Variants in DNAH17 observed in about 807,000 individuals in gnomAD.
DNAH17 encodes the protein dynein axonemal heavy chain 17, also known as axonemal beta dynein heavy chain 17.
A neutral mutation model predicts 485.6 loss-of-function variants in DNAH17; 376 were observed. That is an observed-to-expected ratio of 0.77 (90% CI 0.71 to 0.84). The LOEUF is 0.84. Ranked by LOEUF, DNAH17 falls within the 40% of genes least tolerant of loss-of-function variation. The pLI, the probability that DNAH17 is intolerant of heterozygous loss-of-function variation, is 0.00. For missense variants in DNAH17, 6,370 were observed against 5,839.3 expected, an observed-to-expected ratio of 1.09 and a Z score of -2.96; for synonymous variants, 3,031 against 2,405.9, an observed-to-expected ratio of 1.26 and a Z score of -7.60.
At chr17:78,496,626 T>C (rs2090080789) in intron 37 of DNAH17, 1 of 151,164 alleles carries the variant, frequency 6.6e-6, no homozygotes, top group African/African-American at 2.4e-5. Context: ...ATGGATGTTA[T>C]ATAAGTGGAA....
Position 78,525,004 on chromosome 17 carries a change from CTCACCACAACAACCAT to C in DNAH17, c.3853_3864+4del. On this transcript the variant is annotated splice_donor_variant and splice_donor_region_variant and coding_sequence_variant and intron_variant, in exon 25 of 81. Coordinates refer to ENST00000389840, the MANE Select transcript of DNAH17 (RefSeq NM_173628.4). LOFTEE classifies it high-confidence loss of function. ...CCCCACCCACGCGGCGTGCCCTGCA[CTCACCACAACAACCAT>C]GTCCCAGAGCTCCTTCAGTAGGCGG... 6.2e-7 allele frequency: 1 copy of C among 1,611,152 alleles called. No homozygotes were observed.
chr17:78,429,431 A>T, intron 75 of DNAH17, 131 bp from the exon 76 acceptor site: 1 of 1,022,234 alleles, frequency 9.8e-7, no homozygotes, highest in African/African-American at 1.6e-5. Context: ...CCTCCAGGTC[A>T]GCCTCCTGGC....
chr17:78,479,698 C>A (rs2089264428), intron 49 of DNAH17, 66 bp from the exon 50 acceptor site: 2 of 1,596,046 alleles, frequency 1.3e-6, no homozygotes, highest in South Asian at 2.2e-5. Flanking sequence ...GCCAGGGCCA[C>A]CTTCGCGGGA....
intron 1 of DNAH17, among the ~76,000 whole-genome samples, chr17:78,575,347 T>C (rs1327183459): frequency 6.6e-6 from 1 of 151,930 alleles, no homozygotes; most frequent in Non-Finnish European, 1.5e-5. Context: ...ACCATAAAGT[T>C]CAGAGGATGG....
intron 41 of DNAH17, among the ~76,000 whole-genome samples, 174 bp downstream of exon 41, chr17:78,493,862 C>A (rs970637776): frequency 2.6e-5 from 4 of 152,172 alleles, no homozygotes; most frequent in African/African-American, 9.7e-5. Flanking sequence ...CAGCTCCTCC[C>A]CTCCTCCTCG....
intron 68 of DNAH17, chr17:78,449,954 G>C: frequency 4.1e-6 from 2 of 483,772 alleles, no homozygotes; most frequent in Non-Finnish European, 7.5e-6. Flanking sequence ...GAGATGACAG[G>C]CATGAGCCAC....
chr17:78,485,676 G>A lies in DNAH17; in HGVS notation c.7357C>T (p.Leu2453=), dbSNP rs568311759. The A allele has an allele frequency of 2.5e-5, 40 of 1,613,982 alleles. No homozygotes were observed. The highest frequency in any genetic ancestry group is 6.7e-5 in the African/African-American group (5 of 75,006). The change falls in exon 47 of 81, where the codon CTG becomes TTG. Residue 2453 remains leucine, a synonymous_variant. Coordinates refer to ENST00000389840, the MANE Select transcript of DNAH17 (RefSeq NM_173628.4). ...LLMEKSWPVM[L]VGNAGTGKSV... Reference sequence around the variant, plus strand: ...TTGCCCGTCCCCGCGTTCCCCACCAGCATCACCGGCCAGGACTTCTCCATG... The same window carrying A: ...TTGCCCGTCCCCGCGTTCCCCACCAACATCACCGGCCAGGACTTCTCCATG...
chr17:78,518,131 G>C (rs568345313), intron 25 of DNAH17, among the ~76,000 whole-genome samples: 10 of 152,276 alleles, frequency 6.6e-5, no homozygotes, highest in African/African-American at 2.4e-4. Flanking sequence ...GCAGACATAG[G>C]CTGTAACATG....
At chr17:78,547,348 A>G (rs762384689) in intron 16 of DNAH17, among the ~76,000 whole-genome samples, 1 of 152,178 alleles carries the variant, frequency 6.6e-6, no homozygotes, top group East Asian at 1.9e-4. Flanking sequence ...GTCTTTCTCA[A>G]GACTGGCCAT....
intron 47 of DNAH17, 63 bp downstream of exon 47, chr17:78,485,487 A>C (rs2089561014): frequency 6.8e-7 from 1 of 1,480,696 alleles, no homozygotes; most frequent in Middle Eastern, 2.2e-4. Context: ...GAGAGGGGAC[A>C]GGAGGGAACG....
intron 9 of DNAH17, among the ~76,000 whole-genome samples, chr17:78,567,593 T>C (rs2092288220): frequency 6.6e-6 from 1 of 152,118 alleles, no homozygotes; most frequent in South Asian, 2.1e-4. Context: ...TGGAAGACCA[T>C]CCTATGCAGA....
intron 56 of DNAH17, among the ~76,000 whole-genome samples, chr17:78,464,957 T>TCTCCCTCTCCCC (rs1422953086): frequency 6.6e-6 from 1 of 152,258 alleles, no homozygotes; most frequent in Admixed American, 6.5e-5. Context: ...TCGCTCTCCC[T>TCTCCCTCTCCCC]CTCCCTCTCC....
chr17:78,505,795 G>A (rs537841053), intron 30 of DNAH17, among the ~76,000 whole-genome samples: 119 of 152,152 alleles, frequency 7.8e-4, no homozygotes, highest in African/African-American at 2.8e-3. Context: ...CCTGACCAAT[G>A]TGGAGAAACC....
At chr17:78,494,284 G>A in intron 40 of DNAH17, 111 bp from the exon 41 acceptor site, 3 of 1,438,500 alleles carry the variant, frequency 2.1e-6, no homozygotes, top group Non-Finnish European at 2.8e-6. Flanking sequence ...AGGCGCCCTT[G>A]CCCTCCGATG....
intron 25 of DNAH17, 64 bp downstream of exon 25, chr17:78,524,945 T>C (rs2143235288): frequency 6.5e-7 from 1 of 1,548,716 alleles, no homozygotes. Flanking sequence ...CCTGCCCTCT[T>C]GTTGCCGGGG....
intron 38 of DNAH17, 89 bp from the exon 39 acceptor site, chr17:78,495,186 C>T (rs1261821642): frequency 2.1e-6 from 3 of 1,438,978 alleles, no homozygotes; most frequent in Non-Finnish European, 2.8e-6. Context: ...GGAGAGCACA[C>T]CTCGACTGCC....
Position 78,502,885 on chromosome 17 carries a change from C to A in DNAH17, c.5082+1G>T, listed in dbSNP as rs1280455683. On this transcript the variant is annotated splice_donor_variant, in intron 32 of 80. Transcript: ENST00000389840. LOFTEE classifies it high-confidence loss of function. ...CCGCCGAGCCCCCACCCGCCTCAGA[C>A]CTGGGCTGGGTAGTCCAGGATCCAC... is the stretch of plus-strand genomic sequence containing the variant. 2 of 1,613,432 alleles carry A rather than the reference C, an allele frequency of 1.2e-6. No individual in the cohort carries two copies. The highest frequency in any genetic ancestry group is 1.7e-6 in the Non-Finnish European group (2 of 1,179,798).
At chr17:78,572,004 T>A (rs1212574057) in intron 3 of DNAH17, among the ~76,000 whole-genome samples, 1 of 152,104 alleles carries the variant, frequency 6.6e-6, no homozygotes, top group Non-Finnish European at 1.5e-5. Context: ...TGGTCAGAGA[T>A]ACCAGGGCCT....
At position 78,507,616 on chromosome 17, in the gene DNAH17, G is replaced by T; in HGVS notation, c.4426C>A (p.Gln1476Lys). 1 of 1,614,140 alleles carries T rather than the reference G, an allele frequency of 6.2e-7. No homozygotes were observed. The highest frequency in any genetic ancestry group is 8.5e-7 in the Non-Finnish European group (1 of 1,180,024). The change falls in exon 28 of 81, where the codon CAG becomes AAG. Residue 1476 changes from glutamine (Q) to lysine (K), a missense_variant. Gln to Lys is a moderately conservative substitution (Grantham distance 53, BLOSUM62 1). Transcript: ENST00000389840. ...GAGTCCGCCGTGGACAGCTTCTGCT[G>T]CCAGCTTGTCACCTCCTTCAGGAAG... ...AHFLKEVTSWQQKLSTADSVI... is the reference protein window; with the variant it reads ...AHFLKEVTSWKQKLSTADSVI...
Sources: allele counts gnomAD v4.1 joint callset (sites outside exome capture counted in the v4.1 genomes callset), GRCh38; gene constraint gnomAD v4.1.1; transcripts MANE v1.5; gene names NCBI Gene and HGNC (gene_info 2026-07-23, HGNC 2026-07-21).